Variants in ATF3 observed in about 807,000 individuals in gnomAD.
The protein encoded by ATF3 is cyclic AMP-dependent transcription factor ATF-3.
ATF3 carries 10 observed loss-of-function variants against 18.4 expected under a neutral mutation model. The ratio of observed to expected loss-of-function variants is 0.54; its 90% CI spans 0.34 to 0.92. ATF3 has a LOEUF of 0.92. Ranked by LOEUF, ATF3 falls within the 40% of genes least tolerant of loss-of-function variation. ATF3 has a pLI of 0.02. For synonymous variants in ATF3, 78 were observed against 87.9 expected (o/e 0.89, Z 0.63); for missense variants, 183 against 222.3 (o/e 0.82, Z 1.12).
At chr1:212,581,253 G>A (rs1664679228) in intron 1 of ATF3, among the ~76,000 whole-genome samples, 2 of 152,200 alleles carry the variant, frequency 1.3e-5, no homozygotes, top group Non-Finnish European at 2.9e-5. Flanking sequence ...CAGGGCTCTT[G>A]GAGTTCTTGG....
At chr1:212,613,114 A>C (rs1654964414) in intron 1 of ATF3, among the ~76,000 whole-genome samples, 1 of 152,174 alleles carries the variant, frequency 6.6e-6, no homozygotes, top group South Asian at 2.1e-4. Flanking sequence ...CAGTCTGGGA[A>C]TTTTGTGGAT....
At chr1:212,583,418 G>C (rs546114789) in intron 1 of ATF3, among the ~76,000 whole-genome samples, 1 of 152,136 alleles carries the variant, frequency 6.6e-6, no homozygotes, top group African/African-American at 2.4e-5. Flanking sequence ...CACACAGCAG[G>C]TTTAACTGAG....
intron 1 of ATF3, among the ~76,000 whole-genome samples, chr1:212,602,910 A>G (rs1388870251): frequency 6.6e-6 from 1 of 152,212 alleles, no homozygotes. Context: ...CAAATTCCAC[A>G]TATCTATATA....
intron 1 of ATF3, among the ~76,000 whole-genome samples, chr1:212,578,127 G>A (rs1295764572): frequency 6.6e-6 from 1 of 152,200 alleles, no homozygotes; most frequent in African/African-American, 2.4e-5. Flanking sequence ...GATGTGTGAG[G>A]TGATACCTGT....
chr1:212,574,916 G>T (rs999971678), intron 1 of ATF3, among the ~76,000 whole-genome samples: 3 of 151,884 alleles, frequency 2.0e-5, no homozygotes, highest in Admixed American at 2.0e-4. Context: ...AACAAGACAA[G>T]TCCTGCTACC....
At chr1:212,596,608 G>A (rs533386632) in intron 1 of ATF3, among the ~76,000 whole-genome samples, 1 of 152,288 alleles carries the variant, frequency 6.6e-6, no homozygotes, top group African/African-American at 2.4e-5. Context: ...AGAGTGCTGT[G>A]GGGGGTGTGA....
intron 1 of ATF3, among the ~76,000 whole-genome samples, chr1:212,574,179 T>C (rs1440617694): frequency 6.6e-6 from 1 of 151,928 alleles, no homozygotes. Context: ...ACAAATAAGA[T>C]TGTAACTTCA....
chr1:212,614,759 A>C (rs1655036974), intron 1 of ATF3, among the ~76,000 whole-genome samples: 1 of 152,344 alleles, frequency 6.6e-6, no homozygotes, highest in African/African-American at 2.4e-5. Context: ...AGATCTTGTG[A>C]ATTCAGAGTA....
chr1:212,616,590 G>A (rs1406017517), intron 2 of ATF3, among the ~76,000 whole-genome samples: 2 of 152,116 alleles, frequency 1.3e-5, no homozygotes, highest in African/African-American at 2.4e-5. Flanking sequence ...GAGCCACCAC[G>A]CCCAGCCTTG....
intron 1 of ATF3, among the ~76,000 whole-genome samples, chr1:212,572,191 G>A (rs1187655395): frequency 6.6e-6 from 1 of 152,040 alleles, no homozygotes; most frequent in Admixed American, 6.6e-5. Context: ...AGCTGGCAAG[G>A]CCCCAGTCTC....
At chr1:212,582,786 G>A (rs560248848) in intron 1 of ATF3, among the ~76,000 whole-genome samples, 3 of 152,212 alleles carry the variant, frequency 2.0e-5, no homozygotes, top group African/African-American at 7.2e-5. Flanking sequence ...AGAAAGGAGG[G>A]GAAAGGCCAA....
intron 1 of ATF3, among the ~76,000 whole-genome samples, chr1:212,612,474 C>G (rs542898258): frequency 1.3e-5 from 2 of 152,170 alleles, no homozygotes; most frequent in African/African-American, 2.4e-5. Context: ...ATGTCATCCC[C>G]GAATCACTGA....
At position 212,578,253 on chromosome 1, in the gene ATF3, CCTTTCT is replaced by C. The variant is rs1664618242; in HGVS notation, c.-5+12774_-5+12779del. On this transcript the variant is annotated intron_variant, in intron 1 of 3. Transcript: ENST00000366981. ...AAATATTGCATCACTGTCATTTCCTCCTTTCTCTTCTTTCAGAATTTTTGTTACATT... is the reference window on the plus strand; with the variant it reads ...AAATATTGCATCACTGTCATTTCCTCCTTCTTTCAGAATTTTTGTTACATT... Among the ~76,000 whole-genome samples, 4 of 152,294 alleles carry C rather than the reference CCTTTCT, an allele frequency of 2.6e-5. No homozygotes were observed. The South Asian group carries it at 8.3e-4, about 32-fold the overall frequency.
rs57512671 is a variant in ATF3, at chr1:212,576,721, CTTTTTTTT to C, written c.-5+11255_-5+11262del. Among the ~76,000 whole-genome samples, 378 of 57,304 alleles carry C rather than the reference CTTTTTTTT, an allele frequency of 6.6e-3. 3 individuals carry two copies. Among genetic ancestry groups the C allele is most frequent in the African/African-American group, 0.027 (352 of 12,994 alleles). The allele number at this position is 57,304 out of a possible 152,430, so 37.6% of individuals were successfully genotyped here. A position where few individuals can be genotyped will look rare whatever the true frequency, so the allele number is the denominator to read the frequency against. On this transcript the variant is annotated intron_variant, in intron 1 of 3. Transcript: ENST00000366981. ...AAAAAATATTCTTTTCTTTTCTTTT[CTTTTTTTT>C]TTTTTTTTTTTTTTTTGAGGCAGAG...
intron 1 of ATF3, among the ~76,000 whole-genome samples, chr1:212,584,143 C>T (rs547499468): frequency 1.3e-5 from 2 of 152,036 alleles, no homozygotes; most frequent in South Asian, 4.2e-4. Context: ...ACCTATGCTG[C>T]ATACCACTTC....
At chr1:212,614,305 TCTTTAAGACCTTTTG>T (rs1457877033) in intron 1 of ATF3, among the ~76,000 whole-genome samples, 8 of 152,210 alleles carry the variant, frequency 5.3e-5, no homozygotes, top group Non-Finnish European at 1.0e-4. Flanking sequence ...GCCTCACTTT[TCTTTAAGACCTTTTG>T]CTTTGCCAAC....
intron 1 of ATF3, among the ~76,000 whole-genome samples, chr1:212,596,019 C>CT (rs1262899024): frequency 6.6e-6 from 1 of 152,228 alleles, no homozygotes; most frequent in Admixed American, 6.5e-5. Flanking sequence ...AATGAAACCA[C>CT]TAGCGCCTCA....
rs185814850 is a variant in ATF3 at position 212,589,003 on chromosome 1, C to A, written c.-5+23520C>A. Among the ~76,000 whole-genome samples, 112 of 152,176 alleles carry A rather than the reference C, an allele frequency of 7.4e-4. 1 individual carries two copies. The highest frequency in any genetic ancestry group is 2.5e-3 in the African/African-American group (102 of 41,506). ...ATTTATATTTTTAAATAAAATTATT[C>A]TTCTAATCTGAAGCCATCTAAAATA... On this transcript the variant is annotated intron_variant, in intron 1 of 3. Transcript: ENST00000366981.
In ATF3 at chr1:212,618,054, G is replaced by A. The variant is rs1437455580; in HGVS notation, c.241-73G>A. The A allele has an allele frequency of 8.0e-6, 12 of 1,495,666 alleles. No homozygotes were observed. In the East Asian group the frequency reaches 1.6e-4, roughly 20 times the overall value. 92.6% of individuals were successfully genotyped at this position (1,495,666 alleles called of 1,614,324 possible). On this transcript the variant is annotated intron_variant, in intron 2 of 3. Transcript: ENST00000341491. The surrounding 1 kb of genome is among the most constrained non-coding windows in gnomAD (Gnocchi z 4.4). ...CCTTGTCTGCCAGCTTTTGCTGGCA[G>A]TAAAAGGCAGTGTATTTGAGGTAGG... is the stretch of plus-strand genomic sequence containing the variant.
Sources: gnomAD v4.1 joint callset for allele counts (sites outside exome capture counted in the v4.1 genomes callset) on GRCh38, gnomAD v4.1.1 for gene constraint, Gnocchi (gnomAD v3.1) non-coding constraint, MANE v1.5 for transcripts, NCBI Gene and HGNC (gene_info 2026-07-23, HGNC 2026-07-21) for gene names.